NINJ2: variants seen among roughly 807,000 people sequenced by gnomAD.
NINJ2 encodes the protein ninjurin-2.
In NINJ2, 12 loss-of-function variants were observed where a neutral mutation model predicts 11.7. The observed-to-expected ratio is 1.02, with a 90% CI of 0.66 to 1.66. NINJ2 has a LOEUF of 1.66. Ranked by LOEUF, NINJ2 falls within the 40% of genes most tolerant of loss-of-function variation. NINJ2 has a pLI of 0.00. For missense variants in NINJ2, 187 were observed against 181.8 expected, an observed-to-expected ratio of 1.03 and a Z score of -0.16; for synonymous variants, 93 against 76.8, an observed-to-expected ratio of 1.21 and a Z score of -1.10.
chr12:657,843 G>C (rs1030575092), intron 1 of NINJ2, among the ~76,000 whole-genome samples: 14 of 152,238 alleles, frequency 9.2e-5, no homozygotes, highest in Admixed American at 2.6e-4. Context: ...TGGTGGACAT[G>C]CAAAACAGTA....
chr12:627,995 T>C (rs905158511), intron 1 of NINJ2, among the ~76,000 whole-genome samples: 5 of 152,124 alleles, frequency 3.3e-5, no homozygotes, highest in Non-Finnish European at 5.9e-5. Context: ...TCCCTGTCCC[T>C]GCCGCATCCT....
chr12:655,334 T>G (rs1267574496), intron 1 of NINJ2, among the ~76,000 whole-genome samples: 1 of 152,224 alleles, frequency 6.6e-6, no homozygotes, highest in Non-Finnish European at 1.5e-5. Context: ...ACTATCTCTG[T>G]TTGCAGATGA....
intron 1 of NINJ2, among the ~76,000 whole-genome samples, chr12:605,285 A>G (rs932698703): frequency 8.5e-5 from 13 of 152,242 alleles, no homozygotes; most frequent in African/African-American, 2.9e-4. Context: ...ATCTGCATTC[A>G]GAACACTGGG....
intron 1 of NINJ2, among the ~76,000 whole-genome samples, chr12:646,879 G>T (rs903271569): frequency 4.6e-5 from 7 of 152,312 alleles, no homozygotes; most frequent in Middle Eastern, 3.4e-3. Flanking sequence ...TGTGGAAACA[G>T]GGAGTTCACC....
intron 1 of NINJ2, among the ~76,000 whole-genome samples, chr12:622,193 G>A (rs1050824342): frequency 2.0e-5 from 3 of 151,058 alleles, no homozygotes; most frequent in African/African-American, 4.9e-5. Context: ...AGGCCGAGGC[G>A]GGCGGATCAT....
chr12:565,912 C>G (rs960025998), intron 2 of NINJ2, 38 bp downstream of exon 2: 15 of 1,581,102 alleles, frequency 9.5e-6, no homozygotes, highest in Non-Finnish European at 1.2e-5. Flanking sequence ...GCCACGGGTG[C>G]CGAGGCAGAA....
intron 1 of NINJ2, among the ~76,000 whole-genome samples, chr12:613,206 A>G (rs141175000): frequency 0.013 from 1,971 of 152,344 alleles, 12 homozygotes; most frequent in Non-Finnish European, 0.02. Flanking sequence ...TCCCTGTGAC[A>G]GCTATGTCAA....
chr12:610,247 G>T, intron 1 of NINJ2: 3 of 1,008,372 alleles, frequency 3.0e-6, no homozygotes, highest in Non-Finnish European at 4.5e-6. Context: ...TTGCGTGAGT[G>T]AAACAGCCCC....
chr12:601,504 G>C lies in NINJ2; in HGVS notation c.34-35326C>G, dbSNP rs538682119. ...CGGAGCTTACAGTGAGCCAAGATCA[G>C]GCCACTGCACTCCAGCCTGGGCCAC... is the stretch of plus-strand genomic sequence containing the variant. On this transcript the variant is annotated intron_variant, in intron 1 of 3. Transcript: ENST00000305108. Among the ~76,000 whole-genome samples, 9 of 143,492 alleles carry C rather than the reference G, an allele frequency of 6.3e-5. No homozygotes were observed. The East Asian group carries it at 8.5e-4, about 14-fold the overall frequency. The allele number at this position is 143,492 out of a possible 152,430, so 94.1% of individuals were successfully genotyped here.
intron 1 of NINJ2, among the ~76,000 whole-genome samples, chr12:604,365 C>T (rs181116847): frequency 7.2e-5 from 11 of 152,134 alleles, no homozygotes; most frequent in Admixed American, 7.2e-4. Context: ...TGGCCGGGTG[C>T]GGTGGCTCAC....
chr12:582,724 C>T (rs1362365055), intron 1 of NINJ2, among the ~76,000 whole-genome samples: 1 of 65,040 alleles, frequency 1.5e-5, no homozygotes, highest in Non-Finnish European at 2.8e-5. Flanking sequence ...AATGAATGGA[C>T]GCAGGCAGGC....
Position 656,321 on chromosome 12 carries a change from G to A in NINJ2, c.33+7007C>T, listed in dbSNP as rs576088492. Among the ~76,000 whole-genome samples, 87 of 151,932 alleles carry A rather than the reference G, an allele frequency of 5.7e-4. 3 individuals carry two copies. In the South Asian group the frequency reaches 0.017, roughly 30 times the overall value. ...GGAGGTTGCAGTGAGCCAAGATTAC[G>A]TCACTGCACTCCAGCCTGGAGACAG... On this transcript the variant is annotated intron_variant, in intron 1 of 3. Transcript: ENST00000305108.
intron 1 of NINJ2, among the ~76,000 whole-genome samples, chr12:620,361 G>A (rs1205563972): frequency 6.6e-6 from 1 of 151,882 alleles, no homozygotes; most frequent in African/African-American, 2.4e-5. Flanking sequence ...GCGGGAAGGG[G>A]AGAGGGTCTC....
intron 1 of NINJ2, among the ~76,000 whole-genome samples, chr12:577,427 A>ACATATATATG (rs774377686): frequency 1.6e-5 from 1 of 62,610 alleles, no homozygotes; most frequent in African/African-American, 5.0e-5. Context: ...ATATATATAT[A>ACATATATATG]TACATATATA....
intron 1 of NINJ2, among the ~76,000 whole-genome samples, chr12:582,040 CCT>C (rs1489191091): frequency 6.6e-6 from 1 of 152,168 alleles, no homozygotes; most frequent in Admixed American, 6.5e-5. Flanking sequence ...TCACAGAGGC[CCT>C]GTGAGGGGAA....
At chr12:643,598 A>G (rs556843846) in intron 1 of NINJ2, 2 of 987,934 alleles carry the variant, frequency 2.0e-6, no homozygotes, top group East Asian at 1.1e-4. Context: ...GCTCGGAGAG[A>G]TGAAGCGTTG....
intron 1 of NINJ2, among the ~76,000 whole-genome samples, chr12:590,268 G>A (rs760128514): frequency 5.9e-5 from 9 of 152,130 alleles, no homozygotes; most frequent in Non-Finnish European, 1.2e-4. Flanking sequence ...CTGGAGCGGA[G>A]AGCCACGCGC....
At chr12:568,901 A>T (rs1947339912) in intron 1 of NINJ2, among the ~76,000 whole-genome samples, 2 of 108,124 alleles carry the variant, frequency 1.8e-5, no homozygotes, top group Non-Finnish European at 3.6e-5. Flanking sequence ...CCCCCCGGGT[A>T]AGCACTGGGC....
At chr12:564,971 C>T (rs1203927729) in intron 3 of NINJ2, among the ~76,000 whole-genome samples, 5 of 152,228 alleles carry the variant, frequency 3.3e-5, no homozygotes, top group Admixed American at 1.3e-4. Context: ...CTAATGGCAT[C>T]GCCTCCACCC....
Sources: gnomAD v4.1 joint callset for allele counts (sites outside exome capture counted in the v4.1 genomes callset) on GRCh38, gnomAD v4.1.1 for gene constraint, MANE v1.5 for transcripts, NCBI Gene and HGNC (gene_info 2026-07-23, HGNC 2026-07-21) for gene names.